KIAA1614: variants seen among roughly 807,000 people sequenced by gnomAD.
KIAA1614 encodes the protein uncharacterized protein KIAA1614.
Under a neutral mutation model 88.7 loss-of-function variants are expected in KIAA1614, and 76 were observed. The ratio of observed to expected loss-of-function variants is 0.86; its 90% CI spans 0.71 to 1.04. The LOEUF (loss-of-function observed/expected upper bound fraction) is 1.04, where lower values mean the gene tolerates loss of function less well. KIAA1614 is among the 50% of genes least tolerant of loss of function. The pLI, the probability that KIAA1614 is intolerant of heterozygous loss-of-function variation, is 0.00. For missense variants in KIAA1614, 1,553 were observed against 1,582.5 expected (o/e 0.98, Z 0.32); for synonymous variants, 714 against 675.5 (o/e 1.06, Z -0.88).
chr1:180,935,905 G>A lies in KIAA1614; in HGVS notation c.1996G>A (p.Glu666Lys), dbSNP rs1268878603. The A allele has an allele frequency of 2.5e-6, 4 of 1,613,986 alleles. No individual in the cohort carries two copies. The South Asian group carries it at 4.4e-5, about 18-fold the overall frequency. ...GHRWSKKAEAELPWGLQAQQH... is the reference protein window; with the variant it reads ...GHRWSKKAEAKLPWGLQAQQH... Reference sequence around the variant, plus strand: ...CAGGTGGTCCAAGAAGGCTGAGGCGGAGCTCCCTTGGGGCCTTCAGGCCCA... The same window carrying A: ...CAGGTGGTCCAAGAAGGCTGAGGCGAAGCTCCCTTGGGGCCTTCAGGCCCA... The change falls in exon 5 of 9, where the codon GAG (glutamate) becomes AAG (lysine). Residue 666 changes from glutamate to lysine, a missense_variant. Transcript: ENST00000367588. This position sits in a 1 kb window ranked among gnomAD's most constrained non-coding sequence, Gnocchi z 6.1.
intron 4 of KIAA1614, among the ~76,000 whole-genome samples, chr1:180,929,140 T>G (rs1654139105): frequency 6.6e-6 from 1 of 152,214 alleles, no homozygotes; most frequent in South Asian, 2.1e-4. Flanking sequence ...GTGCCTCAGT[T>G]TCCTCACCCA....
Position 180,913,348 on chromosome 1 carries a change from G to A in KIAA1614, c.50+55G>A, listed in dbSNP as rs947691770. On this transcript the variant is annotated intron_variant, in intron 1 of 8. Coordinates refer to ENST00000367588, the MANE Select transcript of KIAA1614 (RefSeq NM_020950.2). ...GCCGGGCGGGGGTGGCGGACCGGCGGGGCGGAGGAGCGGGGAGCCCAGGTC... is the reference window on the plus strand; with the variant it reads ...GCCGGGCGGGGGTGGCGGACCGGCGAGGCGGAGGAGCGGGGAGCCCAGGTC... The A allele has an allele frequency of 1.4e-5, 16 of 1,170,340 alleles. No homozygotes were observed. The African/African-American group carries it at 2.4e-4, about 17-fold the overall frequency. The allele number at this position is 1,170,340 out of a possible 1,614,324, so 72.5% of individuals were successfully genotyped here. A position where few individuals can be genotyped will look rare whatever the true frequency, so the allele number is the denominator to read the frequency against.
chr1:180,925,323 C>G (rs1375865099), intron 3 of KIAA1614, among the ~76,000 whole-genome samples: 1 of 152,204 alleles, frequency 6.6e-6, no homozygotes, highest in Non-Finnish European at 1.5e-5. Context: ...TATCCGTGGT[C>G]ATCAGAAAGC....
At chr1:180,941,520 T>C (rs536331367) in intron 7 of KIAA1614, among the ~76,000 whole-genome samples, 17 of 152,198 alleles carry the variant, frequency 1.1e-4, no homozygotes, top group Admixed American at 7.8e-4. Context: ...CTGGGGTCAC[T>C]CTAGGCTACT....
At chr1:180,918,648 T>C (rs1382890432) in intron 3 of KIAA1614, among the ~76,000 whole-genome samples, 1 of 152,172 alleles carries the variant, frequency 6.6e-6, no homozygotes, top group Non-Finnish European at 1.5e-5. Context: ...CCTGGAGCTC[T>C]CGTTTCCCCA....
Position 180,945,448 on chromosome 1 carries a change from G to A in KIAA1614, c.3433G>A (p.Gly1145Ser), listed in dbSNP as rs760919913. Reference protein sequence around the residue: ...QLQRSPGGTFGFCVASGNGRP... With the variant: ...QLQRSPGGTFSFCVASGNGRP... ...GCAGCGCTCCCCAGGGGGCACTTTC[G>A]GCTTCTGCGTGGCCTCTGGGAATGG... The change falls in exon 9 of 9, where the codon GGC (glycine) becomes AGC (serine). Residue 1145 changes from glycine to serine, a missense_variant. Coordinates refer to ENST00000367588, the MANE Select transcript of KIAA1614 (RefSeq NM_020950.2). 1.4e-5 allele frequency: 22 copies of A among 1,612,214 alleles called. No individual in the cohort carries two copies. The highest frequency in any genetic ancestry group is 1.6e-4 in the Middle Eastern group (1 of 6,068).
intron 5 of KIAA1614, 21 bp from the exon 6 acceptor site, chr1:180,938,534 G>A (rs775750175): frequency 6.2e-7 from 1 of 1,612,358 alleles, no homozygotes; most frequent in South Asian, 1.1e-5. Flanking sequence ...TGACTCAGGT[G>A]GGATGCTGTG....
chr1:180,915,169 G>T (rs1355191768), intron 1 of KIAA1614, among the ~76,000 whole-genome samples: 2 of 152,308 alleles, frequency 1.3e-5, no homozygotes, highest in African/African-American at 2.4e-5. Flanking sequence ...TTGCAGTCCC[G>T]CCTGGCATAG....
intron 1 of KIAA1614, chr1:180,913,694 G>A (rs1032897417): frequency 6.3e-6 from 1 of 158,808 alleles, no homozygotes; most frequent in African/African-American, 2.4e-5. Flanking sequence ...GTGCGATCAT[G>A]GCTCACTGCA....
intron 3 of KIAA1614, among the ~76,000 whole-genome samples, chr1:180,927,547 G>A (rs966903861): frequency 2.6e-5 from 4 of 152,234 alleles, no homozygotes; most frequent in Non-Finnish European, 5.9e-5. Context: ...GGCCAGCCTG[G>A]CTGGGGAGAG....
At chr1:180,945,183 C>A in intron 8 of KIAA1614, 120 bp from the exon 9 acceptor site, 37 of 1,223,230 alleles carry the variant, frequency 3.0e-5, no homozygotes, top group Non-Finnish European at 4.1e-5. Flanking sequence ...GTCAGCAGAA[C>A]CCCAGCCTCC....
At chr1:180,920,101 T>C (rs1457071770) in intron 3 of KIAA1614, among the ~76,000 whole-genome samples, 2 of 152,180 alleles carry the variant, frequency 1.3e-5, no homozygotes, top group Non-Finnish European at 2.9e-5. Context: ...GTGAGGTCCC[T>C]GCTGAGTAGA....
Position 180,928,501 on chromosome 1 carries a change from C to G in KIAA1614, c.1133C>G (p.Ala378Gly), listed in dbSNP as rs1265322680. The stretch of plus-strand genomic sequence containing the variant: ...GAAGCCACGCATCTGCTGCAGCGTG[C>G]CCGCATGAAGGCCAGGACCCGGCCC... ...HEEATHLLQR[A>G]RMKARTRPLR... Residue 378 changes from alanine (A) to glycine (G), a missense_variant, in exon 4 of 9, where the codon GCC becomes GGC. Coordinates refer to ENST00000367588, the MANE Select transcript of KIAA1614 (RefSeq NM_020950.2). 2 of 1,612,992 alleles carry G rather than the reference C, an allele frequency of 1.2e-6. No individual in the cohort carries two copies. Among genetic ancestry groups the G allele is most frequent in the East Asian group, 4.5e-5 (2 of 44,890 alleles).
intron 3 of KIAA1614, among the ~76,000 whole-genome samples, chr1:180,921,588 G>T (rs539404395): frequency 8.5e-5 from 13 of 152,246 alleles, no homozygotes; most frequent in Admixed American, 7.2e-4. Flanking sequence ...CCCTGTCCCT[G>T]CCCCCACAGG....
intron 3 of KIAA1614, among the ~76,000 whole-genome samples, chr1:180,927,392 G>T (rs1281371227): frequency 6.6e-6 from 1 of 152,250 alleles, no homozygotes; most frequent in African/African-American, 2.4e-5. Flanking sequence ...AGAGGACAGA[G>T]GGTGCGGAAC....
In KIAA1614 at chr1:180,935,597, T is replaced by A; in HGVS notation, c.1688T>A (p.Leu563His). The change falls in exon 5 of 9, where the codon CTC (leucine) becomes CAC (histidine). Residue 563 changes from leucine (L) to histidine (H), a missense_variant. Coordinates refer to ENST00000367588, the MANE Select transcript of KIAA1614 (RefSeq NM_020950.2). The surrounding 1 kb of genome is among the most constrained non-coding windows in gnomAD (Gnocchi z 6.1). The stretch of plus-strand genomic sequence containing the variant: ...CCCGTCCCCAGGACCCTCCAGGAGC[T>A]CCAGGCTGCCTGTGGGATGGAGAGG... ...APPVPRTLQE[L>H]QAACGMERVL... The A allele has an allele frequency of 6.2e-7, 1 of 1,610,604 alleles. No individual in the cohort carries two copies. Among genetic ancestry groups the A allele is most frequent in the Middle Eastern group, 1.7e-4 (1 of 6,000 alleles).
At chr1:180,930,728 GCAAGGTGACC>G in intron 4 of KIAA1614, among the ~76,000 whole-genome samples, 1 of 152,364 alleles carries the variant, frequency 6.6e-6, no homozygotes, top group East Asian at 1.9e-4. Context: ...CTATAGAATT[GCAAGGTGACC>G]CACTTTAGCA....
At chr1:180,936,740 A>G in intron 5 of KIAA1614, 70 bp downstream of exon 5, 5 of 1,024,014 alleles carry the variant, frequency 4.9e-6, no homozygotes, top group South Asian at 1.7e-5. Context: ...CCCAGACCCA[A>G]TCCATGACAC....
intron 8 of KIAA1614, 38 bp downstream of exon 8, chr1:180,944,554 A>G (rs779650397): frequency 1.2e-6 from 2 of 1,602,314 alleles, no homozygotes; most frequent in African/African-American, 2.7e-5. Context: ...ATAAACTCAG[A>G]GAGTGACCAG....
Sources: gnomAD v4.1 joint callset for allele counts (sites outside exome capture counted in the v4.1 genomes callset) on GRCh38, gnomAD v4.1.1 for gene constraint, Gnocchi (gnomAD v3.1) non-coding constraint, MANE v1.5 for transcripts, NCBI Gene and HGNC (gene_info 2026-07-23, HGNC 2026-07-21) for gene names.